Variants in PABPC4L observed in about 807,000 individuals in gnomAD.
PABPC4L encodes poly(A) binding protein cytoplasmic 4 like.
For missense variants in PABPC4L, 452 were observed against 451.4 expected, an observed-to-expected ratio of 1.00 and a Z score of -0.01; for synonymous variants, 169 against 164.1, an observed-to-expected ratio of 1.03 and a Z score of -0.23.
chr4:134,190,209 T>G, the PABPC4L span, among the ~76,000 whole-genome samples: 1 of 152,158 alleles, frequency 6.6e-6, no homozygotes, highest in African/African-American at 2.4e-5. Flanking sequence ...TCTCTTTATC[T>G]GTCTATCTGC....
chr4:134,080,846 C>T, the PABPC4L span, among the ~76,000 whole-genome samples: 1 of 152,188 alleles, frequency 6.6e-6, no homozygotes, highest in East Asian at 1.9e-4. Flanking sequence ...GGATTACTAA[C>T]ACACACCAAG....
chr4:134,062,855 C>T, the PABPC4L span, among the ~76,000 whole-genome samples: 1 of 152,000 alleles, frequency 6.6e-6, no homozygotes, highest in Non-Finnish European at 1.5e-5. Flanking sequence ...CTGGATCATT[C>T]TACCAAAACT....
At chr4:134,083,914 A>G in the PABPC4L span, among the ~76,000 whole-genome samples, 117 of 152,264 alleles carry the variant, frequency 7.7e-4, no homozygotes, top group African/African-American at 2.7e-3. Flanking sequence ...CCCATTCTAA[A>G]TTTATTCATG....
chr4:134,065,947 G>C, the PABPC4L span, among the ~76,000 whole-genome samples: 1 of 151,984 alleles, frequency 6.6e-6, no homozygotes, highest in Non-Finnish European at 1.5e-5. Context: ...CTTCCGGGAT[G>C]TCTACTCTGT....
chr4:133,967,459 T>C, the PABPC4L span, among the ~76,000 whole-genome samples: 1 of 152,198 alleles, frequency 6.6e-6, no homozygotes, highest in Non-Finnish European at 1.5e-5. Context: ...ACTCTGGAGA[T>C]ATACATTTAG....
At chr4:134,090,535 C>A in the PABPC4L span, among the ~76,000 whole-genome samples, 1 of 151,852 alleles carries the variant, frequency 6.6e-6, no homozygotes, top group African/African-American at 2.4e-5. Context: ...CAGAAAGCTG[C>A]GATAGGATGA....
chr4:133,954,764 T>C, the PABPC4L span, among the ~76,000 whole-genome samples: 3 of 152,306 alleles, frequency 2.0e-5, no homozygotes, highest in East Asian at 5.8e-4. Flanking sequence ...AGATGCTGTA[T>C]GAAAAGAATA....
the PABPC4L span, among the ~76,000 whole-genome samples, chr4:134,065,119 G>T: frequency 3.3e-5 from 5 of 152,036 alleles, no homozygotes; most frequent in African/African-American, 1.2e-4. Flanking sequence ...CCCAATGTGG[G>T]ATTACTGGCT....
chr4:134,027,804 A>G, the PABPC4L span, among the ~76,000 whole-genome samples: 1 of 152,190 alleles, frequency 6.6e-6, no homozygotes, highest in East Asian at 1.9e-4. Context: ...TACAATCTTT[A>G]GAAAGCCACA....
At chr4:134,055,525 T>G in the PABPC4L span, among the ~76,000 whole-genome samples, 4 of 151,950 alleles carry the variant, frequency 2.6e-5, no homozygotes, top group East Asian at 7.8e-4. Context: ...ATGAAAAAAT[T>G]TTTTTCTATC....
chr4:134,027,039 C>T, the PABPC4L span, among the ~76,000 whole-genome samples: 1 of 152,088 alleles, frequency 6.6e-6, no homozygotes, highest in African/African-American at 2.4e-5. Flanking sequence ...CACTAGAAAA[C>T]TAATATACCC....
intron 1 of PABPC4L, 90 bp downstream of exon 1, chr4:134,201,628 G>A (rs1413599883): frequency 6.4e-6 from 1 of 156,468 alleles, no homozygotes; most frequent in African/African-American, 2.4e-5. Flanking sequence ...GGCGCCCGGA[G>A]AAAGGAGGCG....
chr4:134,101,467 G>A, the PABPC4L span, among the ~76,000 whole-genome samples: 2 of 151,234 alleles, frequency 1.3e-5, no homozygotes, highest in East Asian at 3.9e-4. Context: ...TTTTACTTGT[G>A]AGAAGTTTTT....
chr4:134,077,444 A>G, the PABPC4L span, among the ~76,000 whole-genome samples: 353 of 152,096 alleles, frequency 2.3e-3, 2 homozygotes, highest in Middle Eastern at 0.01. Context: ...AGAAGAGGGG[A>G]AAAAAAAGTG....
At chr4:133,953,456 G>C in the PABPC4L span, among the ~76,000 whole-genome samples, 1 of 152,006 alleles carries the variant, frequency 6.6e-6, no homozygotes, top group African/African-American at 2.4e-5. Flanking sequence ...GTAATATCAG[G>C]CCAGCTTTTA....
the PABPC4L span, among the ~76,000 whole-genome samples, chr4:133,992,013 T>G: frequency 6.6e-6 from 1 of 152,134 alleles, no homozygotes; most frequent in Admixed American, 6.5e-5. Context: ...TTATGATATG[T>G]CCCATGCCAG....
At chr4:134,057,573 A>T in the PABPC4L span, among the ~76,000 whole-genome samples, 1 of 152,182 alleles carries the variant, frequency 6.6e-6, no homozygotes, top group Non-Finnish European at 1.5e-5. Flanking sequence ...CTGCTCATTG[A>T]AGATGAAAGT....
the PABPC4L span, among the ~76,000 whole-genome samples, chr4:134,070,644 T>C: frequency 4.0e-5 from 6 of 151,432 alleles, no homozygotes; most frequent in Non-Finnish European, 5.9e-5. Flanking sequence ...GCAGTGGGGG[T>C]GTGGCTGTGG....
chr4:133,990,173 T>C, the PABPC4L span, among the ~76,000 whole-genome samples: 1 of 152,146 alleles, frequency 6.6e-6, no homozygotes, highest in Admixed American at 6.5e-5. Context: ...CAAACATTGA[T>C]TTTTTATAAA....
Sources: allele counts gnomAD v4.1 joint callset (sites outside exome capture counted in the v4.1 genomes callset), GRCh38; gene constraint gnomAD v4.1.1; transcripts MANE v1.5; gene names NCBI Gene and HGNC (gene_info 2026-07-23, HGNC 2026-07-21).